The following NUDT17 variants were observed in gnomAD, a reference collection of about 807,000 sequenced individuals.
NUDT17 encodes m7GpppN-mRNA hydrolase NUDT17.
In NUDT17, 38 loss-of-function variants were observed where a neutral mutation model predicts 38.6. The observed-to-expected ratio is 0.98, with a 90% CI of 0.76 to 1.29. NUDT17 has a LOEUF of 1.29. Among genes scored for constraint, NUDT17 ranks in the 50% most tolerant of loss-of-function variants. The probability of loss-of-function intolerance (pLI) is 0.00; values close to 1 mark genes in which losing one functional copy is unlikely to be tolerated. For missense variants in NUDT17, 462 were observed against 415.2 expected, an observed-to-expected ratio of 1.11 and a Z score of -0.98; for synonymous variants, 192 against 167.8, an observed-to-expected ratio of 1.14 and a Z score of -1.11.
At position 145,845,674 on chromosome 1, in the gene NUDT17, C is replaced by G. The variant is rs1553732017; in HGVS notation, c.34C>G (p.Arg12Gly). Reference protein sequence around the residue: ...AEVRVQLLLSRRPESVSFARS... With the variant: ...AEVRVQLLLSGRPESVSFARS... ...GGTGCGGGTGCAGCTGCTCCTGTCCCGGCGTCCGGAGTCGGTGAGCTTCGC... is the reference window on the plus strand; with the variant it reads ...GGTGCGGGTGCAGCTGCTCCTGTCCGGGCGTCCGGAGTCGGTGAGCTTCGC... The change falls in exon 1 of 8, where the codon CGG becomes GGG. Residue 12 changes from arginine (R) to glycine (G), a missense_variant. Arg to Gly is a moderately radical substitution (Grantham distance 125, BLOSUM62 -2). Transcript: ENST00000334513. The G allele has an allele frequency of 6.5e-7, 1 of 1,535,424 alleles. No individual in the cohort carries two copies. The highest frequency in any genetic ancestry group is 8.8e-7 in the Non-Finnish European group (1 of 1,135,510).
chr1:145,846,133 A>ACTGT lies in NUDT17; in HGVS notation c.316_319dup (p.Leu107CysfsTer27), dbSNP rs1652653911. 5 of 1,600,190 alleles carry ACTGT rather than the reference A, an allele frequency of 3.1e-6. No homozygotes were observed. Among genetic ancestry groups the ACTGT allele is most frequent in the Non-Finnish European group, 4.3e-6 (5 of 1,173,866 alleles). ...CGTCATTCTGCAGTCCAGCGACAAG[A>ACTGT]CTGTCTTGCTAACCCGAAGGGCACG... On this transcript the variant is annotated frameshift_variant, in exon 2 of 8. Coordinates refer to ENST00000334513, the MANE Select transcript of NUDT17 (RefSeq NM_001012758.3). LOFTEE classifies it high-confidence loss of function.
intron 6 of NUDT17, 69 bp from the exon 7 acceptor site, chr1:145,848,043 G>A (rs1267701353): frequency 7.0e-6 from 11 of 1,576,388 alleles, no homozygotes; most frequent in Non-Finnish European, 9.6e-6. Flanking sequence ...AGGATTCGGG[G>A]ACCTAACATA....
intron 4 of NUDT17, 143 bp from the exon 5 acceptor site, chr1:145,847,107 T>C (rs1357085069): frequency 5.2e-6 from 3 of 582,144 alleles, no homozygotes; most frequent in South Asian, 2.2e-5. Flanking sequence ...GGCTGGAGAA[T>C]TGCTTGAACC....
intron 4 of NUDT17, among the ~76,000 whole-genome samples, chr1:145,846,966 C>T (rs903728768): frequency 2.6e-5 from 4 of 152,116 alleles, no homozygotes; most frequent in South Asian, 2.1e-4. Context: ...CTGAGGTGGG[C>T]GGATCACCTG....
chr1:145,848,254 C>T lies in NUDT17; in HGVS notation c.874C>T (p.His292Tyr). The T allele has an allele frequency of 1.2e-6, 2 of 1,614,220 alleles. No homozygotes were observed. The highest frequency in any genetic ancestry group is 1.7e-6 in the Non-Finnish European group (2 of 1,180,036). Residue 292 changes from histidine (H) to tyrosine (Y), a missense_variant, in exon 7 of 8, where the codon CAT (histidine) becomes TAT (tyrosine). His to Tyr is a moderately conservative substitution (Grantham distance 83). Coordinates refer to ENST00000334513, the MANE Select transcript of NUDT17 (RefSeq NM_001012758.3). ...GTTTGCCCTCAAGCTCTGGCTGCAA[C>T]ATCTGGGCAGGTAAAAGTGAAAAAG... ...TKFALKLWLQ[H>Y]LGRTPPPCKS...
In NUDT17 at chr1:145,847,539, C is replaced by A. The variant is rs587689758; in HGVS notation, c.595-44C>A. Reference sequence around the variant, plus strand: ...TAGGTTTTGATCACGAACAGGCAGCCCAGGGAGAGGCAATGACTGAGGGGT... The same window carrying A: ...TAGGTTTTGATCACGAACAGGCAGCACAGGGAGAGGCAATGACTGAGGGGT... On this transcript the variant is annotated intron_variant, in intron 5 of 7. Coordinates refer to ENST00000334513, the MANE Select transcript of NUDT17 (RefSeq NM_001012758.3). 20 of 1,607,824 alleles carry A rather than the reference C, an allele frequency of 1.2e-5. No homozygotes were observed. In the African/African-American group the frequency reaches 2.7e-4, roughly 21 times the overall value.
At chr1:145,847,441 G>T in intron 5 of NUDT17, 93 bp downstream of exon 5, 1 of 1,367,402 alleles carries the variant, frequency 7.3e-7, no homozygotes, top group South Asian at 1.2e-5. Context: ...GGGTGGCGGG[G>T]GTAGTCAGAG....
At chr1:145,846,776 C>G in intron 4 of NUDT17, 86 bp downstream of exon 4, 1 of 915,932 alleles carries the variant, frequency 1.1e-6, no homozygotes, top group South Asian at 1.3e-5. Context: ...CATAAGTGGG[C>G]TGGAATCCCC....
At chr1:145,846,481 C>T (rs587760397) in intron 3 of NUDT17, 23 bp downstream of exon 3, 3 of 1,611,704 alleles carry the variant, frequency 1.9e-6, no homozygotes, top group Admixed American at 3.3e-5. Flanking sequence ...CTGATCCAAC[C>T]TGAGCCAAGA....
chr1:145,848,390 T>A lies in NUDT17; in HGVS notation c.898T>A (p.Cys300Ser), dbSNP rs1348586293. 14 of 1,605,652 alleles carry A rather than the reference T, an allele frequency of 8.7e-6. No individual in the cohort carries two copies. Among genetic ancestry groups the A allele is most frequent in the Middle Eastern group, 1.6e-4 (1 of 6,076 alleles). Residue 300 changes from cysteine (C) to serine (S), a missense_variant, in exon 8 of 8, where the codon TGT (cysteine) becomes AGT (serine). Transcript: ENST00000334513. ...ATTCCTCCACAGAACACCCCCACCG[T>A]GTAAAAGTGCAGCTTACCTGGACCC... Reference protein sequence around the residue: ...LQHLGRTPPPCKSAAYLDPGP... With the variant: ...LQHLGRTPPPSKSAAYLDPGP...
intron 6 of NUDT17, 117 bp downstream of exon 6, chr1:145,847,836 T>G (rs2101673298): frequency 1.9e-6 from 2 of 1,038,416 alleles, no homozygotes; most frequent in South Asian, 1.5e-5. Context: ...TTAAGGAGAG[T>G]GGGTCAGCTG....
intron 3 of NUDT17, 53 bp from the exon 4 acceptor site, chr1:145,846,545 G>T: frequency 1.2e-6 from 2 of 1,604,156 alleles, no homozygotes; most frequent in South Asian, 1.1e-5. Context: ...CAAGCAAAAG[G>T]ACTTGGAAGA....
In NUDT17 at chr1:145,846,670, G is replaced by A. The variant is rs1437433819; in HGVS notation, c.475G>A (p.Val159Ile). The A allele has an allele frequency of 1.2e-6, 2 of 1,613,422 alleles. No individual in the cohort carries two copies. Among genetic ancestry groups the A allele is most frequent in the Non-Finnish European group, 1.7e-6 (2 of 1,179,332 alleles). Residue 159 changes from valine to isoleucine, a missense_variant, in exon 4 of 8, where the codon GTC (valine) becomes ATC (isoleucine). Transcript: ENST00000334513. ...CCTGCCCCAGGGCCAGTTCTCTTGG[G>A]TCCCTCTGGGTTTATGGGAGGTGAG... Reference protein sequence around the residue: ...LHLPQGQFSWVPLGLWESAYP... With the variant: ...LHLPQGQFSWIPLGLWESAYP...
chr1:145,847,099 C>G, intron 4 of NUDT17, 151 bp from the exon 5 acceptor site: 1 of 578,086 alleles, frequency 1.7e-6, no homozygotes, highest in Non-Finnish European at 3.1e-6. Flanking sequence ...GAGGCTGAGG[C>G]TGGAGAATTG....
rs587637022 is a variant in NUDT17, at chr1:145,846,282, T to C, written c.376+86T>C. 8 of 1,485,078 alleles carry C rather than the reference T, an allele frequency of 5.4e-6. No homozygotes were observed. The East Asian group carries it at 1.9e-4, about 36-fold the overall frequency. 92.0% of individuals were successfully genotyped at this position (1,485,078 alleles called of 1,614,324 possible). On this transcript the variant is annotated intron_variant, in intron 2 of 7. Transcript: ENST00000334513. ...AATGTTTTTCCCAGTCTCAGAAGGATAAAGTGGGCCCCAAAATGTGGCATG... is the reference window on the plus strand; with the variant it reads ...AATGTTTTTCCCAGTCTCAGAAGGACAAAGTGGGCCCCAAAATGTGGCATG...
intron 4 of NUDT17, among the ~76,000 whole-genome samples, 185 bp from the exon 5 acceptor site, chr1:145,847,065 G>A (rs1169710013): frequency 6.6e-6 from 1 of 152,120 alleles, no homozygotes; most frequent in African/African-American, 2.4e-5. Flanking sequence ...GTGGCGGCAG[G>A]CGCCTGTAAT....
Position 145,846,082 on chromosome 1 carries a change from G to T in NUDT17, c.262G>T (p.Asp88Tyr). 1 of 1,605,056 alleles carries T rather than the reference G, an allele frequency of 6.2e-7. No homozygotes were observed. Among genetic ancestry groups the T allele is most frequent in the Non-Finnish European group, 8.5e-7 (1 of 1,176,440 alleles). ...GGTCCCTGGGGCTGAGCTGCCCACAGATCGAGGTGTGGACCTGGGTGTGGC... is the reference window on the plus strand; with the variant it reads ...GGTCCCTGGGGCTGAGCTGCCCACATATCGAGGTGTGGACCTGGGTGTGGC... ...PRVPGAELPTDRGVDLGVAVI... is the reference protein window; with the variant it reads ...PRVPGAELPTYRGVDLGVAVI... The change falls in exon 2 of 8, where the codon GAT (aspartate) becomes TAT (tyrosine). Residue 88 changes from aspartate (D) to tyrosine (Y), a missense_variant. Asp to Tyr is a radical substitution (Grantham distance 160). Transcript: ENST00000334513.
chr1:145,848,139 A>G lies in NUDT17; in HGVS notation c.759A>G (p.Arg253=), dbSNP rs1553733102. 1 of 1,613,900 alleles carries G rather than the reference A, an allele frequency of 6.2e-7. No individual in the cohort carries two copies. The highest frequency in any genetic ancestry group is 8.5e-7 in the Non-Finnish European group (1 of 1,179,938). Residue 253 remains arginine (R), a synonymous_variant, in exon 7 of 8, where the codon AGA becomes AGG. Coordinates refer to ENST00000334513, the MANE Select transcript of NUDT17 (RefSeq NM_001012758.3). ...CAGTGGAACTAGAGGAGGATGGAAG[A>G]GCCCGACCTCTGGTCCTGCACATGT... ...VLAVELEEDG[R]ARPLVLHMST...
rs1553732303 is a variant in NUDT17, at chr1:145,846,036, GGCCCTGGAGGAGC to G, written c.218_230del (p.Ala73GlyfsTer32). 1 of 1,603,886 alleles carries G rather than the reference GGCCCTGGAGGAGC, an allele frequency of 6.2e-7. No homozygotes were observed. Among genetic ancestry groups the G allele is most frequent in the Non-Finnish European group, 8.5e-7 (1 of 1,176,024 alleles). On this transcript the variant is annotated frameshift_variant, in exon 2 of 8. Coordinates refer to ENST00000334513, the MANE Select transcript of NUDT17 (RefSeq NM_001012758.3). LOFTEE classifies it high-confidence loss of function. ...AGCGACCCCCTTTCTGCCCTTTTGC[GGCCCTGGAGGAGC>G]GGCCCAGGGTCCCTGGGGCTGAGCT...
Sources: gnomAD v4.1 joint callset for allele counts (sites outside exome capture counted in the v4.1 genomes callset) on GRCh38, gnomAD v4.1.1 for gene constraint, MANE v1.5 for transcripts, NCBI Gene and HGNC (gene_info 2026-07-23, HGNC 2026-07-21) for gene names.